Variants in ARHGEF2 observed in about 807,000 individuals in gnomAD.
ARHGEF2 encodes Rho/Rac guanine nucleotide exchange factor 2, also known as rho guanine nucleotide exchange factor 2.
In ARHGEF2, 22 loss-of-function variants were observed where a neutral mutation model predicts 121.0. That is an observed-to-expected ratio of 0.18 (90% CI 0.13 to 0.26). The LOEUF is 0.26. ARHGEF2 is among the 10% of genes least tolerant of loss of function. The pLI is 1.00. For synonymous variants in ARHGEF2, 487 were observed against 530.0 expected (o/e 0.92, Z 1.11); for missense variants, 907 against 1,336.0 (o/e 0.68, Z 5.01).
rs996557046 is a variant in ARHGEF2, at chr1:155,961,128, C to T, written c.1468+533G>A. Among the ~76,000 whole-genome samples, 1 of 152,068 alleles carries T rather than the reference C, an allele frequency of 6.6e-6. No homozygotes were observed. Among genetic ancestry groups the T allele is most frequent in the Non-Finnish European group, 1.5e-5 (1 of 67,998 alleles). On this transcript the variant is annotated intron_variant, in intron 11 of 21. Transcript: ENST00000361247. The surrounding 1 kb of genome is among the most constrained non-coding windows in gnomAD (Gnocchi z 4.7). Reference sequence around the variant, plus strand: ...AGTAGCTCTCTAGGCATGCAAGGACCAAAGAAATTATAAAATACTGATAGG... The same window carrying T: ...AGTAGCTCTCTAGGCATGCAAGGACTAAAGAAATTATAAAATACTGATAGG...
At position 155,961,703 on chromosome 1, in the gene ARHGEF2, C is replaced by T. The variant is rs1455411443; in HGVS notation, c.1426G>A (p.Asp476Asn). ...EELLRRKLIH[D>N]GCLLWKTATG... Reference sequence around the variant, plus strand: ...GCTGTCTTCCAGAGCAGGCAGCCATCGTGGATGAGTTTGCGCCTCAGAAGT... The same window carrying T: ...GCTGTCTTCCAGAGCAGGCAGCCATTGTGGATGAGTTTGCGCCTCAGAAGT... The change falls in exon 11 of 22, where the codon GAT becomes AAT. Residue 476 changes from aspartate to asparagine, a missense_variant. By Grantham distance (23) the Asp-to-Asn change is conservative. Coordinates refer to ENST00000361247, the MANE Select transcript of ARHGEF2 (RefSeq NM_001162383.2). The surrounding 1 kb of genome is among the most constrained non-coding windows in gnomAD (Gnocchi z 4.7). The T allele has an allele frequency of 1.9e-6, 3 of 1,613,820 alleles. No individual in the cohort carries two copies. Among genetic ancestry groups the T allele is most frequent in the Admixed American group, 3.3e-5 (2 of 60,014 alleles).
At position 155,950,185 on chromosome 1, in the gene ARHGEF2, C is replaced by T; in HGVS notation, c.2887+114G>A. The stretch of plus-strand genomic sequence containing the variant: ...ATCAGACAAAACAGGAAGTCCCTCC[C>T]TAGAGTTACTACAAGCCTCACAGGT... On this transcript the variant is annotated intron_variant, in intron 21 of 21. Transcript: ENST00000361247. The surrounding 1 kb of genome is among the most constrained non-coding windows in gnomAD (Gnocchi z 5.2). 1.1e-5 allele frequency: 15 copies of T among 1,315,814 alleles called. No homozygotes were observed. The highest frequency in any genetic ancestry group is 9.6e-5 in the South Asian group (7 of 72,928). 81.5% of individuals were successfully genotyped at this position (1,315,814 alleles called of 1,614,324 possible). A position where few individuals can be genotyped will look rare whatever the true frequency, so the allele number is the denominator to read the frequency against.
At position 155,978,495 on chromosome 1, in the gene ARHGEF2, G is replaced by T. The variant is rs535168696; in HGVS notation, c.-68C>A. The stretch of plus-strand genomic sequence containing the variant: ...CGTCCTGTATTGTTGGGGGAAGGCG[G>T]GGGGAGGGGTTCGGCCCGCACGCGT... On this transcript the variant is annotated 5_prime_UTR_variant, in exon 1 of 22. Coordinates refer to ENST00000361247, the MANE Select transcript of ARHGEF2 (RefSeq NM_001162383.2). The surrounding 1 kb of genome is among the most constrained non-coding windows in gnomAD (Gnocchi z 4.1). 4.6e-5 allele frequency: 63 copies of T among 1,356,286 alleles called. No homozygotes were observed. The Admixed American group carries it at 1.2e-3, about 27-fold the overall frequency. The allele number at this position is 1,356,286 out of a possible 1,614,324, so 84.0% of individuals were successfully genotyped here.
intron 11 of ARHGEF2, among the ~76,000 whole-genome samples, chr1:155,958,901 CA>C (rs1006444875): frequency 7.9e-6 from 1 of 126,250 alleles, no homozygotes. Context: ...AGCTTAAAAA[CA>C]GTGTGGGTGG....
chr1:155,953,260 T>G (rs1375445126), intron 14 of ARHGEF2, among the ~76,000 whole-genome samples: 1 of 92,184 alleles, frequency 1.1e-5, no homozygotes, highest in Non-Finnish European at 2.5e-5. Flanking sequence ...AGCAAGACTC[T>G]GTCTCAAAAA....
chr1:155,975,660 C>G (rs1479250136), intron 1 of ARHGEF2, among the ~76,000 whole-genome samples: 1 of 152,154 alleles, frequency 6.6e-6, no homozygotes, highest in Non-Finnish European at 1.5e-5. Flanking sequence ...GTCCTGCACA[C>G]AAAGCCAGCC....
At chr1:155,968,936 C>A (rs1462544783) in intron 2 of ARHGEF2, 3 of 555,116 alleles carry the variant, frequency 5.4e-6, no homozygotes, top group Admixed American at 3.2e-5. Flanking sequence ...TCCCCTCCCC[C>A]ACATTCCCAG....
rs972124851 is a variant in ARHGEF2 at position 155,965,500 on chromosome 1, C to T, written c.471-88G>A. On this transcript the variant is annotated intron_variant, in intron 5 of 21. Coordinates refer to ENST00000361247, the MANE Select transcript of ARHGEF2 (RefSeq NM_001162383.2). This position sits in a 1 kb window ranked among gnomAD's most constrained non-coding sequence, Gnocchi z 6.0. Reference sequence around the variant, plus strand: ...GGAACCAAAGCCAGGATCCAAGAGGCGGTCCCCCTAAGTTCTCCTTATTTG... The same window carrying T: ...GGAACCAAAGCCAGGATCCAAGAGGTGGTCCCCCTAAGTTCTCCTTATTTG... 3.8e-5 allele frequency: 61 copies of T among 1,597,386 alleles called. 2 individuals carry two copies. The Admixed American group carries it at 5.5e-4, about 14-fold the overall frequency.
Position 155,969,140 on chromosome 1 carries a change from G to A in ARHGEF2, c.208+16C>T. ...GGCACCGAGTCTGGGTGACTCTCAG[G>A]GTCCAAACAACTTACTTGGGCAGAT... On this transcript the variant is annotated intron_variant, in intron 2 of 21. Transcript: ENST00000361247. 6.2e-7 allele frequency: 1 copy of A among 1,613,776 alleles called. No individual in the cohort carries two copies. The highest frequency in any genetic ancestry group is 8.5e-7 in the Non-Finnish European group (1 of 1,179,698).
rs960863801 is a variant in ARHGEF2 at position 155,970,972 on chromosome 1, A to C, written c.64-1672T>G. 1.5e-4 allele frequency: 148 copies of C among 985,298 alleles called. 1 individual carries two copies. In the Middle Eastern group the frequency reaches 1.5e-3, roughly 10 times the overall value. The allele number at this position is 985,298 out of a possible 1,614,324, so 61.0% of individuals were successfully genotyped here. On this transcript the variant is annotated intron_variant, in intron 1 of 21. Coordinates refer to ENST00000361247, the MANE Select transcript of ARHGEF2 (RefSeq NM_001162383.2). ...CCTCCTCCTGTCTCCTGCTCTCTCTATGTCCTCCCTTCTCTTCTCAGGGTC... is the reference window on the plus strand; with the variant it reads ...CCTCCTCCTGTCTCCTGCTCTCTCTCTGTCCTCCCTTCTCTTCTCAGGGTC...
chr1:155,973,293 T>C (rs1680783427), intron 1 of ARHGEF2, among the ~76,000 whole-genome samples: 1 of 152,164 alleles, frequency 6.6e-6, no homozygotes, highest in Non-Finnish European at 1.5e-5. Flanking sequence ...ACCTTCTGTC[T>C]CTTCTTGTTT....
intron 1 of ARHGEF2, among the ~76,000 whole-genome samples, chr1:155,972,076 C>G (rs947919412): frequency 6.6e-6 from 1 of 152,134 alleles, no homozygotes; most frequent in Non-Finnish European, 1.5e-5. Context: ...CCACCCTCCC[C>G]CTGTGGCATC....
rs1198631930 is a variant in ARHGEF2, at chr1:155,951,712, G to T, written c.2208+29C>A. 2.5e-6 allele frequency: 4 copies of T among 1,614,054 alleles called. No individual in the cohort carries two copies. The highest frequency in any genetic ancestry group is 3.4e-6 in the Non-Finnish European group (4 of 1,179,976). On this transcript the variant is annotated intron_variant, in intron 18 of 21. Coordinates refer to ENST00000361247, the MANE Select transcript of ARHGEF2 (RefSeq NM_001162383.2). The surrounding 1 kb of genome is among the most constrained non-coding windows in gnomAD (Gnocchi z 5.1). ...TCAGACTAAGAACATCCTCCCTTCA[G>T]TCTCCTATACCATCAATTCCCATCT...
Position 155,962,231 on chromosome 1 carries a change from G to A in ARHGEF2, c.1102-9C>T. The A allele has an allele frequency of 6.2e-7, 1 of 1,613,184 alleles. No homozygotes were observed. The highest frequency in any genetic ancestry group is 8.5e-7 in the Non-Finnish European group (1 of 1,179,510). On this transcript the variant is annotated splice_polypyrimidine_tract_variant and intron_variant, in intron 9 of 21. Transcript: ENST00000361247. The surrounding 1 kb of genome is among the most constrained non-coding windows in gnomAD (Gnocchi z 5.8). The stretch of plus-strand genomic sequence containing the variant: ...GCGGGGCGGGTCACTTTCTACAAGG[G>A]AGGAGGCAGGGCTCAGGGCCAGAGG...
At position 155,963,034 on chromosome 1, in the gene ARHGEF2, G is replaced by C; in HGVS notation, c.874C>G (p.Arg292Gly). 6.2e-7 allele frequency: 1 copy of C among 1,614,200 alleles called. No individual in the cohort carries two copies. Among genetic ancestry groups the C allele is most frequent in the South Asian group, 1.1e-5 (1 of 91,088 alleles). Residue 292 changes from arginine to glycine, a missense_variant, in exon 8 of 22, where the codon CGC (arginine) becomes GGC (glycine). Around this residue, in one of 2 missense-constraint regions of ARHGEF2, gnomAD observed 475 missense variants for 776.5 expected, o/e 0.61. Coordinates refer to ENST00000361247, the MANE Select transcript of ARHGEF2 (RefSeq NM_001162383.2). ...CGTTCTAATAGCTGGCTGAGGAAGC[G>C]TGTATGGATGTCACTGAGCTCGTCC... ...CVDELSDIHT[R>G]FLSQLLERRR... is the part of the protein sequence containing the mutation.
chr1:155,957,038 TA>T (rs911625922), intron 13 of ARHGEF2, among the ~76,000 whole-genome samples: 1,945 of 141,040 alleles, frequency 0.014, 42 homozygotes, highest in African/African-American at 0.045. Flanking sequence ...CAAAAAAAAT[TA>T]AAAAAAAAAA....
chr1:155,966,538 C>T, intron 3 of ARHGEF2, 59 bp from the exon 4 acceptor site: 1 of 1,586,546 alleles, frequency 6.3e-7, no homozygotes, highest in Non-Finnish European at 8.7e-7. Context: ...AGGATCACCC[C>T]CAGAGGCATG....
intron 7 of ARHGEF2, among the ~76,000 whole-genome samples, chr1:155,964,204 A>G (rs1387020954): frequency 1.0e-4 from 14 of 134,740 alleles, no homozygotes; most frequent in Non-Finnish European, 1.4e-4. Flanking sequence ...ATATACATAT[A>G]TATATATATA....
At chr1:155,968,914 G>A (rs1679953875) in intron 2 of ARHGEF2, 1 of 497,836 alleles carries the variant, frequency 2.0e-6, no homozygotes. Context: ...TGCAAGAGGA[G>A]CCAGCACAGC....
Sources: gnomAD v4.1 joint callset for allele counts (sites outside exome capture counted in the v4.1 genomes callset) on GRCh38, gnomAD v4.1.1 for gene constraint, gnomAD v4.1.1 regional missense constraint, Gnocchi (gnomAD v3.1) non-coding constraint, MANE v1.5 for transcripts, NCBI Gene and HGNC (gene_info 2026-07-23, HGNC 2026-07-21) for gene names.